PACS2: variants seen among roughly 807,000 people sequenced by gnomAD.
PACS2 encodes phosphofurin acidic cluster sorting protein 2.
PACS2 carries 36 observed loss-of-function variants against 113.0 expected under a neutral mutation model. That is an observed-to-expected ratio of 0.32 (90% CI 0.24 to 0.42). PACS2 has a LOEUF of 0.42. PACS2 is among the 10% of genes least tolerant of loss of function. The pLI is 1.00. For synonymous variants in PACS2, 589 were observed against 536.1 expected, an observed-to-expected ratio of 1.10 and a Z score of -1.36; for missense variants, 1,015 against 1,239.5, an observed-to-expected ratio of 0.82 and a Z score of 2.72.
intron 1 of PACS2, among the ~76,000 whole-genome samples, chr14:105,344,502 G>A (rs1555402219): frequency 1.4e-4 from 22 of 152,038 alleles, no homozygotes. Context: ...AGTAGTTTGT[G>A]GCTTTCTAGG....
At chr14:105,394,326 C>T (rs1165981426) in intron 24 of PACS2, 1 of 985,250 alleles carries the variant, frequency 1.0e-6, no homozygotes, top group Non-Finnish European at 1.2e-6. Flanking sequence ...CCTCCCCACC[C>T]CCCAGGGCTC....
At chr14:105,309,898 G>A (rs900287122), upstream of PACS2, among the ~76,000 whole-genome samples, 7 of 145,274 alleles carry the variant, frequency 4.8e-5, no homozygotes, top group Non-Finnish European at 1.5e-5. The surrounding 1 kb of genome is among the most constrained non-coding windows in gnomAD (Gnocchi z 4.0). Flanking sequence ...CAATTCTCCT[G>A]TCTCAGCCTC....
In PACS2 at chr14:105,385,781, G is replaced by C. The variant is rs1259335989; in HGVS notation, c.2033+64G>C. The C allele has an allele frequency of 1.5e-5, 16 of 1,096,674 alleles. No homozygotes were observed. The African/African-American group carries it at 2.4e-4, about 16-fold the overall frequency. The allele number at this position is 1,096,674 out of a possible 1,614,324, so 67.9% of individuals were successfully genotyped here. A position where few individuals can be genotyped will look rare whatever the true frequency, so the allele number is the denominator to read the frequency against. On this transcript the variant is annotated intron_variant, in intron 19 of 24. Transcript: ENST00000447393. ...CCAGGCTGGTCTTCAGGGCTTGTTT[G>C]GCAGAGTCACGTAGGAATCACCCCG...
intron 1 of PACS2, among the ~76,000 whole-genome samples, chr14:105,342,141 G>A (rs181925596): frequency 6.6e-6 from 1 of 152,286 alleles, no homozygotes; most frequent in East Asian, 1.9e-4. Context: ...TGGGTTTGCA[G>A]TACCTGCGCA....
chr14:105,319,153 G>A (rs1454390433), intron 1 of PACS2, among the ~76,000 whole-genome samples: 2 of 137,714 alleles, frequency 1.5e-5, no homozygotes, highest in Non-Finnish European at 1.6e-5. Flanking sequence ...TCACCATGTT[G>A]GCCAGGATGG....
At chr14:105,390,106 C>A in intron 20 of PACS2, 103 bp downstream of exon 20, 1 of 1,023,316 alleles carries the variant, frequency 9.8e-7, no homozygotes, top group Non-Finnish European at 1.6e-6. Context: ...CCAGAACCTT[C>A]CCACAGATAC....
intron 17 of PACS2, 139 bp from the exon 18 acceptor site, chr14:105,384,740 C>T (rs2081115095): frequency 1.5e-6 from 1 of 663,534 alleles, no homozygotes; most frequent in Non-Finnish European, 2.8e-6. Flanking sequence ...GCACCAGGGC[C>T]CCTCAGCTGC....
chr14:105,394,829 A>T lies in PACS2; in HGVS notation c.*157A>T, dbSNP rs2081489525. The stretch of plus-strand genomic sequence containing the variant: ...CTCACAACGTGGAAACTAACGGGGG[A>T]GCTCCTGCCAGGAGCCGAATAACTG... On this transcript the variant is annotated 3_prime_UTR_variant, in exon 25 of 25. Coordinates refer to ENST00000447393, the MANE Select transcript of PACS2 (RefSeq NM_001100913.3). 1 of 623,956 alleles carries T rather than the reference A, an allele frequency of 1.6e-6. No individual in the cohort carries two copies. Among genetic ancestry groups the T allele is most frequent in the Non-Finnish European group, 2.9e-6 (1 of 345,676 alleles). The allele number at this position is 623,956 out of a possible 1,614,324, so 38.7% of individuals were successfully genotyped here.
At chr14:105,343,546 G>A (rs1330105335) in intron 1 of PACS2, among the ~76,000 whole-genome samples, 1 of 152,074 alleles carries the variant, frequency 6.6e-6, no homozygotes, top group African/African-American at 2.4e-5. Context: ...TATTTTTCAT[G>A]TTTTTTAAGC....
chr14:105,349,740 G>T (rs1331833970), intron 2 of PACS2, among the ~76,000 whole-genome samples: 2 of 152,276 alleles, frequency 1.3e-5, no homozygotes, highest in Non-Finnish European at 2.9e-5. Flanking sequence ...TACATCTGCG[G>T]CGTGTGCTGG....
rs2059681635 is a variant in PACS2, at chr14:105,340,438, C to T, written c.120-8055C>T. Among the ~76,000 whole-genome samples the T allele has an allele frequency of 6.6e-6, 1 of 152,216 alleles. No individual in the cohort carries two copies. Among genetic ancestry groups the T allele is most frequent in the Admixed American group, 6.5e-5 (1 of 15,284 alleles). Reference sequence around the variant, plus strand: ...CGCCAGGGACCGGTTTTGTGGAAGACAGTTTTTCCACAGACGGTGATGGGA... The same window carrying T: ...CGCCAGGGACCGGTTTTGTGGAAGATAGTTTTTCCACAGACGGTGATGGGA... On this transcript the variant is annotated intron_variant, in intron 1 of 24. Transcript: ENST00000447393. This position sits in a 1 kb window ranked among gnomAD's most constrained non-coding sequence, Gnocchi z 4.2.
intron 1 of PACS2, among the ~76,000 whole-genome samples, chr14:105,301,489 C>T (rs2058024923): frequency 6.6e-6 from 1 of 151,444 alleles, no homozygotes; most frequent in Non-Finnish European, 1.5e-5. Flanking sequence ...TGGGACCCAA[C>T]CCCGGGCTCT....
At chr14:105,392,477 A>C (rs587606072) in intron 22 of PACS2, 142 bp from the exon 23 acceptor site, 1 of 680,736 alleles carries the variant, frequency 1.5e-6, no homozygotes. Context: ...TCCACAGAGC[A>C]TGCTCCAAGC....
Position 105,348,727 on chromosome 14 carries a change from G to T in PACS2, c.207+147G>T. On this transcript the variant is annotated intron_variant, in intron 2 of 24. Coordinates refer to ENST00000447393, the MANE Select transcript of PACS2 (RefSeq NM_001100913.3). This position sits in a 1 kb window ranked among gnomAD's most constrained non-coding sequence, Gnocchi z 6.4. ...CATCTCCGGGAGCCCGGGGGGCTGG[G>T]AATGACAGGATGCTCCTGGGTCCAG... 1 of 665,130 alleles carries T rather than the reference G, an allele frequency of 1.5e-6. No individual in the cohort carries two copies. Among genetic ancestry groups the T allele is most frequent in the South Asian group, 1.5e-5 (1 of 64,640 alleles). The allele number at this position is 665,130 out of a possible 1,614,324, so 41.2% of individuals were successfully genotyped here.
intron 22 of PACS2, 159 bp downstream of exon 22, chr14:105,391,925 C>T: frequency 3.1e-6 from 2 of 645,398 alleles, no homozygotes; most frequent in Non-Finnish European, 5.2e-6. Flanking sequence ...TCCTCTCTGG[C>T]CACCTCCTGC....
At position 105,396,677 on chromosome 14, in the gene PACS2, A is replaced by C. The variant is rs1390596513; in HGVS notation, c.*2005A>C. ...CACCACACCTGGCTATTTTTTTTGT[A>C]TTTTTAGTAGAGATGGGGTTTTGCC... On this transcript the variant is annotated 3_prime_UTR_variant, in exon 25 of 25. Transcript: ENST00000447393. The C allele has an allele frequency of 6.7e-6, 1 of 149,746 alleles. No homozygotes were observed. Among genetic ancestry groups the C allele is most frequent in the African/African-American group, 2.5e-5 (1 of 40,650 alleles). 9.3% of individuals were successfully genotyped at this position (149,746 alleles called of 1,614,324 possible).
rs781825888 is a variant in PACS2, at chr14:105,380,075, C to A, written c.1051-5C>A. 7.7e-6 allele frequency: 12 copies of A among 1,551,884 alleles called. No homozygotes were observed. Among genetic ancestry groups the A allele is most frequent in the African/African-American group, 2.7e-5 (2 of 73,108 alleles). ...ACAAGCTGATTCCCATCTCCTCCCC[C>A]ACAGGCTGACGTGCCCGAGAAGACG... On this transcript the variant is annotated splice_polypyrimidine_tract_variant and splice_region_variant and intron_variant, in intron 10 of 24. Transcript: ENST00000447393.
intron 8 of PACS2, 79 bp downstream of exon 8, chr14:105,369,979 C>T (rs1442427457): frequency 8.2e-7 from 1 of 1,226,480 alleles, no homozygotes; most frequent in Admixed American, 2.0e-5. Flanking sequence ...TGGGGTCTGT[C>T]TCCGGGCCAC....
chr14:105,356,224 G>T lies in PACS2; in HGVS notation c.423+1047G>T, dbSNP rs1595680839. 6.6e-6 allele frequency among the ~76,000 whole-genome samples: 1 copy of T among 152,232 alleles called. No homozygotes were observed. The highest frequency in any genetic ancestry group is 1.9e-4 in the East Asian group (1 of 5,166). On this transcript the variant is annotated intron_variant, in intron 4 of 24. Coordinates refer to ENST00000447393, the MANE Select transcript of PACS2 (RefSeq NM_001100913.3). This position sits in a 1 kb window ranked among gnomAD's most constrained non-coding sequence, Gnocchi z 4.0. ...CCCAGGTCAAGCGCTAGGTCCCCCA[G>T]ATCCTCACACACCCCCACTTACGCA...
Sources: allele counts gnomAD v4.1 joint callset (sites outside exome capture counted in the v4.1 genomes callset), GRCh38; gene constraint gnomAD v4.1.1; non-coding constraint Gnocchi (gnomAD v3.1); transcripts MANE v1.5; gene names NCBI Gene and HGNC (gene_info 2026-07-23, HGNC 2026-07-21).